Variants in FREM1 observed in about 807,000 individuals in gnomAD.
FREM1 encodes FRAS1 related extracellular matrix 1.
FREM1 carries 220 observed loss-of-function variants against 210.1 expected under a neutral mutation model. The observed-to-expected ratio is 1.05, with a 90% CI of 0.94 to 1.17. The LOEUF is 1.17. Among genes scored for constraint, FREM1 ranks in the 50% most tolerant of loss-of-function variants. FREM1 has a pLI of 0.00. For synonymous variants in FREM1, 1,189 were observed against 980.2 expected (o/e 1.21, Z -3.98); for missense variants, 3,454 against 2,675.5 (o/e 1.29, Z -6.42).
intron 1 of FREM1, among the ~76,000 whole-genome samples, chr9:14,896,731 A>C (rs1171665385): frequency 6.6e-6 from 1 of 152,068 alleles, no homozygotes; most frequent in African/African-American, 2.4e-5. Flanking sequence ...AACAACAAAA[A>C]CCAGAATGGT....
chr9:14,823,107 G>C, intron 13 of FREM1, 53 bp downstream of exon 13: 1 of 1,399,420 alleles, frequency 7.1e-7, no homozygotes, highest in Non-Finnish European at 9.8e-7. Context: ...AGGTCTTCAA[G>C]TCTCTCCTTT....
At chr9:14,770,947 A>G (rs1847460326) in intron 25 of FREM1, 141 bp from the exon 26 acceptor site, 2 of 635,472 alleles carry the variant, frequency 3.1e-6, no homozygotes, top group Admixed American at 2.7e-5. Flanking sequence ...CCTGCTAAAG[A>G]CAGTCCTGTT....
At chr9:14,860,718 CACATATAT>C (rs1343311674) in intron 3 of FREM1, among the ~76,000 whole-genome samples, 831 of 82,026 alleles carry the variant, frequency 0.01, 35 homozygotes, top group East Asian at 0.012. Flanking sequence ...CACATATATA[CACATATAT>C]ACACATATAT....
At chr9:14,792,693 T>A (rs781769335) in intron 22 of FREM1, 50 bp downstream of exon 22, 1 of 1,435,498 alleles carries the variant, frequency 7.0e-7, no homozygotes, top group Non-Finnish European at 9.4e-7. Context: ...ATTGAGAAGA[T>A]TTATACCTGC....
intron 1 of FREM1, among the ~76,000 whole-genome samples, chr9:14,901,192 T>C (rs898841199): frequency 1.3e-5 from 2 of 152,202 alleles, no homozygotes; most frequent in African/African-American, 4.8e-5. Context: ...AATAGATCTC[T>C]CTAAAACCAT....
At chr9:14,819,740 G>A (rs12001036) in intron 13 of FREM1, among the ~76,000 whole-genome samples, 3,998 of 152,204 alleles carry the variant, frequency 0.026, 145 homozygotes, top group African/African-American at 0.089. Flanking sequence ...ATTACTATCT[G>A]TGCTGCTAAA....
intron 23 of FREM1, among the ~76,000 whole-genome samples, chr9:14,786,528 A>G (rs1454759226): frequency 1.3e-5 from 2 of 152,322 alleles, no homozygotes; most frequent in South Asian, 2.1e-4. Flanking sequence ...TTGCTCCCCA[A>G]GGGACATTTG....
rs1220840114 is a variant in FREM1 at position 14,910,394 on chromosome 9, T to C, written c.-748A>G. 1 of 152,358 alleles carries C rather than the reference T, an allele frequency of 6.6e-6. No individual in the cohort carries two copies. The highest frequency in any genetic ancestry group is 1.5e-5 in the Non-Finnish European group (1 of 68,142). 9.4% of individuals were successfully genotyped at this position (152,358 alleles called of 1,614,324 possible). On this transcript the variant is annotated 5_prime_UTR_variant, in exon 1 of 37. Transcript: ENST00000380880. ...AGGTCGGTTGCCTCTTCCCAGTCTC[T>C]TCCCAGCTTCCTTTCTCACTACTAG...
intron 24 of FREM1, among the ~76,000 whole-genome samples, chr9:14,780,961 C>T (rs1341309546): frequency 1.3e-5 from 2 of 152,212 alleles, no homozygotes; most frequent in Admixed American, 6.5e-5. Context: ...ACGCTAGGCT[C>T]TTCCATTATA....
chr9:14,895,133 C>G (rs1837482459), intron 1 of FREM1, among the ~76,000 whole-genome samples: 1 of 152,124 alleles, frequency 6.6e-6, no homozygotes, highest in African/African-American at 2.4e-5. Flanking sequence ...AAACCCATGG[C>G]CGGTCTCAGC....
intron 35 of FREM1, 150 bp downstream of exon 35, chr9:14,746,203 G>C (rs1414838716): frequency 1.8e-6 from 1 of 569,824 alleles, no homozygotes; most frequent in Non-Finnish European, 3.1e-6. Flanking sequence ...TTCTGAACTA[G>C]GGAACTCCCT....
intron 1 of FREM1, among the ~76,000 whole-genome samples, chr9:14,870,670 A>G (rs1832486801): frequency 1.3e-5 from 2 of 151,924 alleles, no homozygotes; most frequent in Admixed American, 6.6e-5. Flanking sequence ...TATTATTATT[A>G]TACTTTAAGT....
intron 14 of FREM1, 109 bp downstream of exon 14, chr9:14,819,125 T>C (rs983145129): frequency 8.8e-6 from 6 of 684,716 alleles, no homozygotes; most frequent in Non-Finnish European, 1.2e-5. Context: ...AAGTGGCATG[T>C]TGGTATCCTT....
At chr9:14,823,911 T>A (rs1247070840) in intron 12 of FREM1, 114 bp downstream of exon 12, 1 of 516,224 alleles carries the variant, frequency 1.9e-6, no homozygotes, top group East Asian at 3.1e-5. Flanking sequence ...TATAAAGATG[T>A]CAAGTCTTTG....
intron 2 of FREM1, among the ~76,000 whole-genome samples, chr9:14,864,221 T>C (rs1486454005): frequency 2.0e-5 from 3 of 152,228 alleles, no homozygotes; most frequent in Admixed American, 6.5e-5. Context: ...CATACTTTCA[T>C]TTTTCGAAAT....
intron 1 of FREM1, among the ~76,000 whole-genome samples, chr9:14,893,414 G>C (rs183542409): frequency 6.6e-6 from 1 of 152,314 alleles, no homozygotes; most frequent in Admixed American, 6.5e-5. Context: ...AAACTGGTCA[G>C]TTATGTCCTT....
intron 28 of FREM1, among the ~76,000 whole-genome samples, chr9:14,758,692 G>A (rs1563849925): frequency 6.7e-6 from 1 of 149,236 alleles, no homozygotes; most frequent in Non-Finnish European, 1.5e-5. Flanking sequence ...TGGGGTGGGG[G>A]GGAGTCTTTA....
intron 2 of FREM1, among the ~76,000 whole-genome samples, chr9:14,866,619 C>T (rs992757124): frequency 6.6e-6 from 1 of 152,192 alleles, no homozygotes. Context: ...CTCCTGCGAG[C>T]TACCAGTGGG....
At chr9:14,824,443 T>C (rs1176613611) in intron 11 of FREM1, among the ~76,000 whole-genome samples, 4 of 152,210 alleles carry the variant, frequency 2.6e-5, no homozygotes, top group Non-Finnish European at 5.9e-5. Context: ...ATTGAGATCA[T>C]AGAATGTAAC....
Sources: allele counts gnomAD v4.1 joint callset (sites outside exome capture counted in the v4.1 genomes callset), GRCh38; gene constraint gnomAD v4.1.1; transcripts MANE v1.5; gene names NCBI Gene and HGNC (gene_info 2026-07-23, HGNC 2026-07-21).